Variants in SMPD3 observed in about 807,000 individuals in gnomAD.
SMPD3 encodes the protein nSMase-2.
Under a neutral mutation model 55.7 loss-of-function variants are expected in SMPD3, and 21 were observed. That is an observed-to-expected ratio of 0.38 (90% CI 0.27 to 0.54). The LOEUF (loss-of-function observed/expected upper bound fraction) is 0.54. Among genes scored for constraint, SMPD3 ranks in the 20% least tolerant of loss-of-function variants. The probability of loss-of-function intolerance (pLI) is 0.80; values close to 1 mark genes in which losing one functional copy is unlikely to be tolerated. For synonymous variants in SMPD3, 457 were observed against 404.3 expected (o/e 1.13, Z -1.56); for missense variants, 842 against 899.6 (o/e 0.94, Z 0.82).
Position 68,359,583 on chromosome 16 carries a change from C to T in SMPD3, c.*1623G>A, listed in dbSNP as rs1204537090. 6.5e-6 allele frequency: 1 copy of T among 152,784 alleles called. No homozygotes were observed. Among genetic ancestry groups the T allele is most frequent in the Non-Finnish European group, 1.5e-5 (1 of 68,090 alleles). The allele number at this position is 152,784 out of a possible 1,614,324, so 9.5% of individuals were successfully genotyped here. Reference sequence around the variant, plus strand: ...GTCCCTCTTGCAGCTCAATGGGTGACAAGGCACAGCATCAGGGCACCAGCA... The same window carrying T: ...GTCCCTCTTGCAGCTCAATGGGTGATAAGGCACAGCATCAGGGCACCAGCA... On this transcript the variant is annotated 3_prime_UTR_variant, in exon 9 of 9. Coordinates refer to ENST00000219334, the MANE Select transcript of SMPD3 (RefSeq NM_018667.4).
chr16:68,407,176 T>C (rs2090261424), intron 1 of SMPD3, among the ~76,000 whole-genome samples: 1 of 152,186 alleles, frequency 6.6e-6, no homozygotes, highest in Non-Finnish European at 1.5e-5. Flanking sequence ...ACCATAAGTG[T>C]AGCTTGGCAA....
chr16:68,383,540 GC>G (rs2089994694), intron 2 of SMPD3, among the ~76,000 whole-genome samples: 1 of 152,128 alleles, frequency 6.6e-6, no homozygotes, highest in Non-Finnish European at 1.5e-5. Context: ...CTTGGTCCTG[GC>G]GCCATCCTCT....
intron 1 of SMPD3, among the ~76,000 whole-genome samples, chr16:68,412,246 C>T (rs528454092): frequency 2.3e-4 from 35 of 152,326 alleles, no homozygotes; most frequent in Non-Finnish European, 3.2e-4. Context: ...TGTCAAGGTA[C>T]GCCCACAGCA....
chr16:68,398,921 G>A (rs916499284), intron 1 of SMPD3, among the ~76,000 whole-genome samples: 1 of 152,166 alleles, frequency 6.6e-6, no homozygotes, highest in Non-Finnish European at 1.5e-5. Flanking sequence ...TCTGTTCCCC[G>A]CTCCAGGTCA....
intron 1 of SMPD3, among the ~76,000 whole-genome samples, chr16:68,400,878 G>A (rs939979391): frequency 1.3e-5 from 2 of 152,248 alleles, no homozygotes; most frequent in African/African-American, 4.8e-5. Context: ...GGCCAGCTCT[G>A]AGTGAGAGAG....
At chr16:68,432,326 G>T (rs1415044194) in intron 1 of SMPD3, among the ~76,000 whole-genome samples, 1 of 152,090 alleles carries the variant, frequency 6.6e-6, no homozygotes, top group Non-Finnish European at 1.5e-5. Context: ...ATGGTAACTG[G>T]ATAGCAATCC....
chr16:68,444,922 C>A (rs1257454582), intron 1 of SMPD3, among the ~76,000 whole-genome samples: 2 of 152,204 alleles, frequency 1.3e-5, no homozygotes, highest in East Asian at 1.9e-4. Context: ...CACATGGATG[C>A]CAAAGTAAGA....
intron 7 of SMPD3, among the ~76,000 whole-genome samples, chr16:68,362,274 GAAACAAGAATGGTTGCTGTGGGCCCC>G (rs1213049443): frequency 1.3e-5 from 2 of 152,210 alleles, no homozygotes; most frequent in African/African-American, 4.8e-5. Flanking sequence ...TTCCTCCTCT[GAAACAAGAATGGTTGCTGTGGGCCCC>G]AAGACGCTTC....
chr16:68,399,901 T>C (rs1315797425), intron 1 of SMPD3, among the ~76,000 whole-genome samples: 2 of 152,180 alleles, frequency 1.3e-5, no homozygotes, highest in Non-Finnish European at 2.9e-5. Flanking sequence ...TAAGGCCAAG[T>C]TGGCCTGGGC....
At chr16:68,376,674 C>G (rs79039534) in intron 2 of SMPD3, among the ~76,000 whole-genome samples, 1 of 152,316 alleles carries the variant, frequency 6.6e-6, no homozygotes, top group South Asian at 2.1e-4. Context: ...CCCGTTGTCT[C>G]CAGGTCGTCA....
At chr16:68,364,641 T>C in intron 5 of SMPD3, 110 bp downstream of exon 5, 1 of 1,268,868 alleles carries the variant, frequency 7.9e-7, no homozygotes, top group Non-Finnish European at 1.1e-6. Context: ...GCCCACATGC[T>C]CTCGAGGAGC....
intron 1 of SMPD3, among the ~76,000 whole-genome samples, chr16:68,393,564 G>T (rs1374768302): frequency 1.3e-5 from 2 of 152,184 alleles, no homozygotes; most frequent in African/African-American, 2.4e-5. Flanking sequence ...GCATAGACAT[G>T]TCCAGACAGA....
intron 1 of SMPD3, among the ~76,000 whole-genome samples, chr16:68,428,368 C>T (rs2090453320): frequency 3.3e-5 from 5 of 152,232 alleles, no homozygotes; most frequent in Admixed American, 3.3e-4. Flanking sequence ...CAGGCTGCCT[C>T]AAACAGCCAC....
chr16:68,412,152 C>G (rs1194854218), intron 1 of SMPD3, among the ~76,000 whole-genome samples: 3 of 152,136 alleles, frequency 2.0e-5, no homozygotes, highest in Non-Finnish European at 4.4e-5. Flanking sequence ...GGGGCAACTT[C>G]CTAGGAAAAG....
At chr16:68,382,852 T>C (rs148894300) in intron 2 of SMPD3, among the ~76,000 whole-genome samples, 41 of 152,318 alleles carry the variant, frequency 2.7e-4, no homozygotes, top group Admixed American at 1.2e-3. Context: ...GTTTTGTTTT[T>C]TGTTTTGGAG....
At chr16:68,435,301 T>A (rs980982307) in intron 1 of SMPD3, among the ~76,000 whole-genome samples, 13 of 152,302 alleles carry the variant, frequency 8.5e-5, no homozygotes, top group African/African-American at 3.1e-4. Context: ...TTCCTGGGCA[T>A]ACAAACTGTT....
intron 1 of SMPD3, among the ~76,000 whole-genome samples, chr16:68,403,975 A>C (rs2090232120): frequency 6.6e-6 from 1 of 152,140 alleles, no homozygotes; most frequent in Non-Finnish European, 1.5e-5. Flanking sequence ...GCTGAGGTGC[A>C]GCTGGGATGG....
chr16:68,419,639 C>T (rs1035161648), intron 1 of SMPD3, among the ~76,000 whole-genome samples: 3 of 152,236 alleles, frequency 2.0e-5, no homozygotes, highest in Non-Finnish European at 1.5e-5. Context: ...ACAACAATAA[C>T]TTTCCTCCCT....
intron 1 of SMPD3, among the ~76,000 whole-genome samples, chr16:68,399,360 ATGGTC>A (rs1013035197): frequency 1.4e-4 from 22 of 152,218 alleles, no homozygotes; most frequent in Admixed American, 5.2e-4. Flanking sequence ...CCACTGCCCC[ATGGTC>A]TGGTGCCCCA....
Sources: allele counts gnomAD v4.1 joint callset (sites outside exome capture counted in the v4.1 genomes callset), GRCh38; gene constraint gnomAD v4.1.1; transcripts MANE v1.5; gene names NCBI Gene and HGNC (gene_info 2026-07-23, HGNC 2026-07-21).